MYO1G: variants seen among roughly 807,000 people sequenced by gnomAD.
MYO1G encodes the protein myosin IG, also known as unconventional myosin-Ig.
A neutral mutation model predicts 115.3 loss-of-function variants in MYO1G; 65 were observed. The ratio of observed to expected loss-of-function variants is 0.56; its 90% CI spans 0.46 to 0.69. The LOEUF (loss-of-function observed/expected upper bound fraction) is 0.69. Ranked by LOEUF, MYO1G falls within the 30% of genes least tolerant of loss-of-function variation. The pLI, the probability that MYO1G is intolerant of heterozygous loss-of-function variation, is 0.00. For missense variants in MYO1G, 1,204 were observed against 1,393.5 expected (o/e 0.86, Z 2.16); for synonymous variants, 510 against 552.6 (o/e 0.92, Z 1.08).
intron 12 of MYO1G, among the ~76,000 whole-genome samples, 163 bp from the exon 13 acceptor site, chr7:44,968,121 C>A (rs1186580502): frequency 1.3e-5 from 2 of 152,190 alleles, no homozygotes; most frequent in African/African-American, 2.4e-5. Context: ...CCCCTCACAC[C>A]TGCTTTCTCT....
intron 9 of MYO1G, 140 bp from the exon 10 acceptor site, chr7:44,970,294 T>C: frequency 1.4e-6 from 1 of 721,326 alleles, no homozygotes; most frequent in South Asian, 1.7e-5. Context: ...CCCTGTGGCT[T>C]ATGCATCCCT....
At chr7:44,967,321 C>T (rs944023215) in intron 14 of MYO1G, among the ~76,000 whole-genome samples, 1 of 152,210 alleles carries the variant, frequency 6.6e-6, no homozygotes. Context: ...AAGCCAGCCT[C>T]TCAGCAGGGT....
At chr7:44,965,988 G>A (rs1794834376) in intron 16 of MYO1G, 85 bp downstream of exon 16, 1 of 1,563,472 alleles carries the variant, frequency 6.4e-7, no homozygotes, top group Non-Finnish European at 8.7e-7. Context: ...AGACTCCTGT[G>A]AAACTTACAA....
chr7:44,971,098 T>A, intron 7 of MYO1G, 39 bp from the exon 8 acceptor site: 1 of 1,558,922 alleles, frequency 6.4e-7, no homozygotes. Flanking sequence ...GGGCTCCATG[T>A]CTCAAAAGAG....
chr7:44,964,568 G>C lies in MYO1G; in HGVS notation c.2527-49C>G. 1 of 1,403,250 alleles carries C rather than the reference G, an allele frequency of 7.1e-7. No individual in the cohort carries two copies. Among genetic ancestry groups the C allele is most frequent in the Non-Finnish European group, 1.0e-6 (1 of 989,360 alleles). 86.9% of individuals were successfully genotyped at this position (1,403,250 alleles called of 1,614,324 possible). A position where few individuals can be genotyped will look rare whatever the true frequency, so the allele number is the denominator to read the frequency against. On this transcript the variant is annotated intron_variant, in intron 18 of 21. Transcript: ENST00000258787. The surrounding 1 kb of genome is among the most constrained non-coding windows in gnomAD (Gnocchi z 5.1). Reference sequence around the variant, plus strand: ...GGCGCTGCTTGGGATTGAGTCATGGGACCAGACTCAATTGATAGCAGCTGT... The same window carrying C: ...GGCGCTGCTTGGGATTGAGTCATGGCACCAGACTCAATTGATAGCAGCTGT...
intron 5 of MYO1G, chr7:44,973,915 C>T (rs1469600027): frequency 6.6e-6 from 1 of 151,528 alleles, no homozygotes; most frequent in East Asian, 2.0e-4. Context: ...GAGACGCCCT[C>T]TGTGTTCCCA....
At position 44,977,018 on chromosome 7, in the gene MYO1G, T is replaced by A; in HGVS notation, c.149A>T (p.Asn50Ile). Reference sequence around the variant, plus strand: ...ATACAGGGGCAGCTCCTGGTAGGGGTTCACGGACACCAGCACCTCACCGAT... The same window carrying A: ...ATACAGGGGCAGCTCCTGGTAGGGGATCACGGACACCAGCACCTCACCGAT... ...TYIGEVLVSV[N>I]PYQELPLYGP... is the part of the protein sequence containing the mutation. The change falls in exon 2 of 22, where the codon AAC becomes ATC. Residue 50 changes from asparagine (N) to isoleucine (I), a missense_variant. Physicochemically the swap from Asn to Ile is moderately radical, Grantham distance 149. Transcript: ENST00000258787. 6.2e-7 allele frequency: 1 copy of A among 1,613,396 alleles called. No individual in the cohort carries two copies. The highest frequency in any genetic ancestry group is 8.5e-7 in the Non-Finnish European group (1 of 1,179,960).
chr7:44,966,933 G>T lies in MYO1G; in HGVS notation c.1783-95C>A. The T allele has an allele frequency of 1.5e-6, 2 of 1,314,716 alleles. No homozygotes were observed. Among genetic ancestry groups the T allele is most frequent in the Non-Finnish European group, 2.1e-6 (2 of 960,020 alleles). 81.4% of individuals were successfully genotyped at this position (1,314,716 alleles called of 1,614,324 possible). A position where few individuals can be genotyped will look rare whatever the true frequency, so the allele number is the denominator to read the frequency against. On this transcript the variant is annotated intron_variant, in intron 14 of 21. Transcript: ENST00000258787. The surrounding 1 kb of genome is among the most constrained non-coding windows in gnomAD (Gnocchi z 5.0). Reference sequence around the variant, plus strand: ...GCTTCCTAACCCCTCAAGGTCCCAGGCCAGGAGAAGAGTTGGGAACAAAGA... The same window carrying T: ...GCTTCCTAACCCCTCAAGGTCCCAGTCCAGGAGAAGAGTTGGGAACAAAGA...
In MYO1G at chr7:44,978,985, C is replaced by T. The variant is rs565225206; in HGVS notation, c.-24G>A. ...ATCCTGCCGGCTGGAAACACCTTGC[C>T]TCACCTTCCTGTGCCTGCTGGAAGG... On this transcript the variant is annotated 5_prime_UTR_variant, in exon 1 of 22. Coordinates refer to ENST00000258787, the MANE Select transcript of MYO1G (RefSeq NM_033054.3). 1.2e-6 allele frequency: 2 copies of T among 1,611,602 alleles called. No homozygotes were observed. Among genetic ancestry groups the T allele is most frequent in the East Asian group, 2.2e-5 (1 of 44,864 alleles).
chr7:44,975,017 G>A, intron 5 of MYO1G, 157 bp downstream of exon 5: 1 of 758,750 alleles, frequency 1.3e-6, no homozygotes, highest in South Asian at 1.5e-5. Context: ...ACTGGTTGGG[G>A]TGAGTGTGGT....
intron 12 of MYO1G, among the ~76,000 whole-genome samples, chr7:44,968,248 A>G (rs1254721335): frequency 1.3e-5 from 2 of 152,200 alleles, no homozygotes; most frequent in Non-Finnish European, 2.9e-5. Context: ...CTTCTACCAC[A>G]TGCATGCTGT....
At chr7:44,971,924 G>C in intron 6 of MYO1G, 135 bp from the exon 7 acceptor site, 1 of 769,410 alleles carries the variant, frequency 1.3e-6, no homozygotes, top group Admixed American at 2.2e-5. Flanking sequence ...GATTACTCCA[G>C]CCTAAGCACC....
In MYO1G at chr7:44,967,945, C is replaced by G. The variant is rs749719081; in HGVS notation, c.1588G>C (p.Gly530Arg). 9 of 1,613,864 alleles carry G rather than the reference C, an allele frequency of 5.6e-6. No homozygotes were observed. The highest frequency in any genetic ancestry group is 7.6e-6 in the Non-Finnish European group (9 of 1,180,030). The stretch of plus-strand genomic sequence containing the variant: ...AAATCTCTGTTCTTGTCGATGAAGC[C>G]TTCCACGGAGTACCTACCAGAAGCC... ...YAGDVTYSVE[G>R]FIDKNRDFLF... is the part of the protein sequence containing the mutation. The change falls in exon 13 of 22, where the codon GGC becomes CGC. Residue 530 changes from glycine to arginine, a missense_variant. By Grantham distance (125) the Gly-to-Arg change is moderately radical. Transcript: ENST00000258787.
Position 44,970,103 on chromosome 7 carries a change from G to C in MYO1G, c.1269C>G (p.Phe423Leu). 1.4e-5 allele frequency: 23 copies of C among 1,614,080 alleles called. No individual in the cohort carries two copies. Among genetic ancestry groups the C allele is most frequent in the Non-Finnish European group, 1.9e-5 (22 of 1,180,010 alleles). ...NYCNEKLQQL[F>L]IQLILKQEQE... is the part of the protein sequence containing the mutation. ...GTTCCTGCTTCAGGATGAGCTGGAT[G>C]AATAGCTGCTGCAGCTTCTCGTTGC... is the stretch of plus-strand genomic sequence containing the variant. The change falls in exon 10 of 22, where the codon TTC becomes TTG. Residue 423 changes from phenylalanine to leucine, a missense_variant. Coordinates refer to ENST00000258787, the MANE Select transcript of MYO1G (RefSeq NM_033054.3).
chr7:44,976,959 C>T lies in MYO1G; in HGVS notation c.208G>A (p.Glu70Lys). ...AGATGGGGTGGCCGCTCATAGAGCT[C>T]ACGGCCCTGGTACCTGGCGATGGCC... is the stretch of plus-strand genomic sequence containing the variant. ...PEAIARYQGR[E>K]LYERPPHLYA... Residue 70 changes from glutamate (E) to lysine (K), a missense_variant, in exon 2 of 22, where the codon GAG (glutamate) becomes AAG (lysine). Transcript: ENST00000258787. The T allele has an allele frequency of 6.2e-7, 1 of 1,613,636 alleles. No individual in the cohort carries two copies. Among genetic ancestry groups the T allele is most frequent in the Non-Finnish European group, 8.5e-7 (1 of 1,180,014 alleles).
rs1308852082 is a variant in MYO1G at position 44,971,739 on chromosome 7, C to T, written c.780G>A (p.Arg260=). 4.5e-6 allele frequency: 7 copies of T among 1,555,806 alleles called. No individual in the cohort carries two copies. The highest frequency in any genetic ancestry group is 6.1e-6 in the Non-Finnish European group (7 of 1,149,134). ...CCTCTTCAGGACTGAAGCCGATGACCCTCATGGCCTCGGTCACTGCCTGGT... is the reference window on the plus strand; with the variant it reads ...CCTCTTCAGGACTGAAGCCGATGACTCTCATGGCCTCGGTCACTGCCTGGT... ...QSHQAVTEAM[R]VIGFSPEEVE... The change falls in exon 7 of 22, where the codon AGG becomes AGA. Residue 260 remains arginine (R), a synonymous_variant. Coordinates refer to ENST00000258787, the MANE Select transcript of MYO1G (RefSeq NM_033054.3).
At position 44,967,891 on chromosome 7, in the gene MYO1G, A is replaced by G; in HGVS notation, c.1642T>C (p.Tyr548His). ...FLFQDFKRLL[Y>H]NSTDPTLRAM... ...CCAGCAAGCCGTGCTCACCTGTTGT[A>G]CAGCAGCCGCTTGAAGTCCTGGAAG... Residue 548 changes from tyrosine (Y) to histidine (H), a missense_variant, in exon 13 of 22, where the codon TAC (tyrosine) becomes CAC (histidine). Tyr to His is a moderately conservative substitution (Grantham distance 83). Coordinates refer to ENST00000258787, the MANE Select transcript of MYO1G (RefSeq NM_033054.3). The G allele has an allele frequency of 6.2e-7, 1 of 1,613,972 alleles. No homozygotes were observed. Among genetic ancestry groups the G allele is most frequent in the Non-Finnish European group, 8.5e-7 (1 of 1,180,020 alleles).
Position 44,969,592 on chromosome 7 carries a change from C to T in MYO1G, c.1504-109G>A. 6.3e-7 allele frequency: 1 copy of T among 1,577,390 alleles called. No individual in the cohort carries two copies. Among genetic ancestry groups the T allele is most frequent in the Non-Finnish European group, 8.7e-7 (1 of 1,150,534 alleles). On this transcript the variant is annotated intron_variant, in intron 11 of 21. Transcript: ENST00000258787. The surrounding 1 kb of genome is among the most constrained non-coding windows in gnomAD (Gnocchi z 5.0). The stretch of plus-strand genomic sequence containing the variant: ...GCAGAGAAGGTTGCCACAGTGACGA[C>T]AATGGCACCAAAGCTGGGTCCCCAA...
intron 7 of MYO1G, among the ~76,000 whole-genome samples, chr7:44,971,306 C>T (rs1028816558): frequency 2.6e-5 from 4 of 152,198 alleles, no homozygotes; most frequent in African/African-American, 9.7e-5. Context: ...ATGTGAATGA[C>T]CCCATCGCAT....
Sources: allele counts gnomAD v4.1 joint callset (sites outside exome capture counted in the v4.1 genomes callset), GRCh38; gene constraint gnomAD v4.1.1; non-coding constraint Gnocchi (gnomAD v3.1); transcripts MANE v1.5; gene names NCBI Gene and HGNC (gene_info 2026-07-23, HGNC 2026-07-21).